PRDM8: variants seen among roughly 807,000 people sequenced by gnomAD.
The protein encoded by PRDM8 is PR domain zinc finger protein 8.
A neutral mutation model predicts 46.5 loss-of-function variants in PRDM8; 13 were observed. That is an observed-to-expected ratio of 0.28 (90% CI 0.18 to 0.44). The LOEUF (loss-of-function observed/expected upper bound fraction) is 0.44, where lower values mean the gene tolerates loss of function less well. Ranked by LOEUF, PRDM8 falls within the 20% of genes least tolerant of loss-of-function variation. The pLI is 1.00. For missense variants in PRDM8, 998 were observed against 955.0 expected (o/e 1.04, Z -0.59); for synonymous variants, 473 against 438.4 (o/e 1.08, Z -0.98).
In PRDM8 at chr4:80,203,688, C is replaced by T; in HGVS notation, c.*156C>T. ...CCCCCGCCCCCCCAACGCGCACACA[C>T]ACGTCCTCTCCTCCCAGGAACCTCA... On this transcript the variant is annotated 3_prime_UTR_variant, in exon 4 of 4. Coordinates refer to ENST00000415738, the MANE Select transcript of PRDM8 (RefSeq NM_001099403.2). 1 of 1,320,430 alleles carries T rather than the reference C, an allele frequency of 7.6e-7. No individual in the cohort carries two copies. The highest frequency in any genetic ancestry group is 9.9e-7 in the Non-Finnish European group (1 of 1,008,180). The allele number at this position is 1,320,430 out of a possible 1,614,324, so 81.8% of individuals were successfully genotyped here.
chr4:80,195,498 TTG>T (rs139174909), upstream of PRDM8, among the ~76,000 whole-genome samples: 66,958 of 149,770 alleles, frequency 0.45, 15,742 homozygotes, highest in East Asian at 0.79. Context: ...TGTCCATACT[TTG>T]TGTGTGTGTG....
Position 80,203,368 on chromosome 4 carries a change from A to T in PRDM8, c.1906A>T (p.Met636Leu). The change falls in exon 4 of 4, where the codon ATG (methionine) becomes TTG (leucine). Residue 636 changes from methionine (M) to leucine (L), a missense_variant. Coordinates refer to ENST00000415738, the MANE Select transcript of PRDM8 (RefSeq NM_001099403.2). ...CGCCAAGTGCAATGCCTCCTTCCGC[A>T]TGACCTCCGACCTGGTGTACCATAT... The part of the protein sequence containing the change: ...WCAKCNASFR[M>L]TSDLVYHMRS... 1 of 1,614,056 alleles carries T rather than the reference A, an allele frequency of 6.2e-7. No individual in the cohort carries two copies.
intron 1 of PRDM8, among the ~76,000 whole-genome samples, chr4:80,186,121 T>C (rs902036626): frequency 2.0e-5 from 3 of 152,184 alleles, no homozygotes; most frequent in Non-Finnish European, 4.4e-5. Flanking sequence ...GAGAGACTCC[T>C]GTGACGCTTA....
intron 1 of PRDM8, among the ~76,000 whole-genome samples, chr4:80,199,442 C>G (rs1738249185): frequency 6.6e-6 from 1 of 152,156 alleles, no homozygotes; most frequent in South Asian, 2.1e-4. Flanking sequence ...AGACATACGT[C>G]CCTTCTTGTA....
At position 80,199,018 on chromosome 4, in the gene PRDM8, T is replaced by TTTTTTTTA. The variant is rs1553904883; in HGVS notation, c.-2-1061_-2-1060insTTTTTTTA. On this transcript the variant is annotated intron_variant, in intron 1 of 3. Coordinates refer to ENST00000415738, the MANE Select transcript of PRDM8 (RefSeq NM_001099403.2). ...TGTTTTTTTTTTTTTTTTTTTTTTT[T>TTTTTTTTA]AGTGATAAGTCTTGTATGGGGTGTC... 2.2e-4 allele frequency among the ~76,000 whole-genome samples: 20 copies of TTTTTTTTA among 89,196 alleles called. 2 individuals are homozygous for TTTTTTTTA. The highest frequency in any genetic ancestry group is 1.6e-3 in the South Asian group (3 of 1,894). The allele number at this position is 89,196 out of a possible 152,430, so 58.5% of individuals were successfully genotyped here.
rs778925295 is a variant in PRDM8, at chr4:80,201,550, C to T, written c.451+29C>T. ...GGTTGGCTCGCGACCGGCGTGTGGG[C>T]CCTTAACTAGCGGGGGAGAGACGCA... On this transcript the variant is annotated intron_variant, in intron 3 of 3. Transcript: ENST00000415738. 34 of 1,598,104 alleles carry T rather than the reference C, an allele frequency of 2.1e-5. No homozygotes were observed. The East Asian group carries it at 7.2e-4, about 34-fold the overall frequency.
At chr4:80,196,383 C>G, upstream of PRDM8, 1 of 985,438 alleles carries the variant, frequency 1.0e-6, no homozygotes, top group Non-Finnish European at 1.2e-6. Context: ...AAAAGAAGCC[C>G]GAGATTCCCC....
chr4:80,200,024 T>TG, intron 1 of PRDM8, 55 bp from the exon 2 acceptor site: 2 of 1,441,830 alleles, frequency 1.4e-6, no homozygotes, highest in Non-Finnish European at 1.9e-6. Context: ...CTTGGGTTAA[T>TG]GGCGTTAAAA....
Position 80,203,568 on chromosome 4 carries a change from G to T in PRDM8, c.*36G>T. The T allele has an allele frequency of 6.4e-7, 1 of 1,562,346 alleles. No individual in the cohort carries two copies. The highest frequency in any genetic ancestry group is 8.7e-7 in the Non-Finnish European group (1 of 1,153,162). On this transcript the variant is annotated 3_prime_UTR_variant, in exon 4 of 4. Coordinates refer to ENST00000415738, the MANE Select transcript of PRDM8 (RefSeq NM_001099403.2). ...ACCCCAGCTTTCCACGCGCGCGCAA[G>T]CACAGTTAAGCCACCTGCAGGAATA...
chr4:80,192,314 T>C (rs1009843830), intron 2 of PRDM8, among the ~76,000 whole-genome samples: 8 of 152,180 alleles, frequency 5.3e-5, no homozygotes, highest in Admixed American at 5.2e-4. Context: ...ACAATCCACC[T>C]AAAACAGAGA....
chr4:80,202,384 G>C lies in PRDM8; in HGVS notation c.922G>C (p.Gly308Arg). 1 of 1,584,316 alleles carries C rather than the reference G, an allele frequency of 6.3e-7. No homozygotes were observed. The change falls in exon 4 of 4, where the codon GGC becomes CGC. Residue 308 changes from glycine to arginine, a missense_variant. By Grantham distance (125) the Gly-to-Arg change is moderately radical. Coordinates refer to ENST00000415738, the MANE Select transcript of PRDM8 (RefSeq NM_001099403.2). Reference sequence around the variant, plus strand: ...GCTGAGTCCCGACGGCATCGCCACGGGCGGCGGCAAAGGAAAGAGGAAATT... The same window carrying C: ...GCTGAGTCCCGACGGCATCGCCACGCGCGGCGGCAAAGGAAAGAGGAAATT... ...AELSPDGIAT[G>R]GGKGKRKFPE...
chr4:80,198,988 T>G (rs1414495620), intron 1 of PRDM8, among the ~76,000 whole-genome samples: 3 of 101,166 alleles, frequency 3.0e-5, no homozygotes, highest in Non-Finnish European at 5.2e-5. Flanking sequence ...GGGTTTTTTT[T>G]TTTTTGTTTT....
At chr4:80,193,926 T>G (rs151033760), upstream of PRDM8, among the ~76,000 whole-genome samples, 140 of 152,344 alleles carry the variant, frequency 9.2e-4, no homozygotes, top group African/African-American at 3.3e-3. Context: ...ATCAGTGTGT[T>G]TTCATTCTCA....
chr4:80,193,662 G>A (rs1214836466), upstream of PRDM8, among the ~76,000 whole-genome samples: 1 of 152,144 alleles, frequency 6.6e-6, no homozygotes, highest in Non-Finnish European at 1.5e-5. Context: ...CCTCCTTGAA[G>A]ATCTATTCTC....
At chr4:80,197,960 G>T (rs775559394) in intron 1 of PRDM8, among the ~76,000 whole-genome samples, 197 bp downstream of exon 1, 3 of 152,242 alleles carry the variant, frequency 2.0e-5, no homozygotes, top group Non-Finnish European at 4.4e-5. Flanking sequence ...CCGGAGACTG[G>T]GGAGCGCGCG....
chr4:80,203,092 C>T lies in PRDM8; in HGVS notation c.1630C>T (p.Pro544Ser). 6.4e-7 allele frequency: 1 copy of T among 1,571,148 alleles called. No individual in the cohort carries two copies. The highest frequency in any genetic ancestry group is 8.6e-7 in the Non-Finnish European group (1 of 1,167,686). The change falls in exon 4 of 4, where the codon CCT (proline) becomes TCT (serine). Residue 544 changes from proline (P) to serine (S), a missense_variant. Pro to Ser is a moderately conservative substitution (Grantham distance 74). Transcript: ENST00000415738. ...CAGACTCTATCCCGCCGCCGCGGAC[C>T]CTCTAGCGGTGAAGCTCCAGGGGGC... ...PTRLYPAAAD[P>S]LAVKLQGAAD... is the part of the protein sequence containing the mutation.
chr4:80,185,776 AATC>A (rs1280793649), intron 1 of PRDM8, among the ~76,000 whole-genome samples: 6 of 152,224 alleles, frequency 3.9e-5, no homozygotes, highest in African/African-American at 1.4e-4. Flanking sequence ...TCGTTCAATT[AATC>A]ATATTTCCCT....
chr4:80,196,601 G>T, upstream of PRDM8: 1 of 985,330 alleles, frequency 1.0e-6, no homozygotes, highest in Non-Finnish European at 1.2e-6. Flanking sequence ...AGCCCATCTT[G>T]GTAATCATTT....
chr4:80,188,873 G>T (rs944311928), intron 1 of PRDM8, among the ~76,000 whole-genome samples: 1 of 152,240 alleles, frequency 6.6e-6, no homozygotes, highest in African/African-American at 2.4e-5. Context: ...ACAGGGCTCC[G>T]CTCGAAGCCA....
Sources: allele counts gnomAD v4.1 joint callset (sites outside exome capture counted in the v4.1 genomes callset), GRCh38; gene constraint gnomAD v4.1.1; transcripts MANE v1.5; gene names NCBI Gene and HGNC (gene_info 2026-07-23, HGNC 2026-07-21).